Variants in EIF4H observed in about 807,000 individuals in gnomAD.
EIF4H encodes the protein Williams-Beuren syndrome chromosome region 1.
EIF4H carries 8 observed loss-of-function variants against 30.6 expected under a neutral mutation model. That is an observed-to-expected ratio of 0.26 (90% CI 0.15 to 0.47). The LOEUF (loss-of-function observed/expected upper bound fraction) is 0.47. Ranked by LOEUF, EIF4H falls within the 20% of genes least tolerant of loss-of-function variation. The probability of loss-of-function intolerance (pLI) is 0.99; values close to 1 mark genes in which losing one functional copy is unlikely to be tolerated. For synonymous variants in EIF4H, 106 were observed against 122.7 expected, an observed-to-expected ratio of 0.86 and a Z score of 0.90; for missense variants, 188 against 339.5, an observed-to-expected ratio of 0.55 and a Z score of 3.51.
At chr7:74,178,410 G>A (rs868915575) in intron 1 of EIF4H, among the ~76,000 whole-genome samples, 3 of 151,934 alleles carry the variant, frequency 2.0e-5, no homozygotes, top group Non-Finnish European at 4.4e-5. Flanking sequence ...CGGGTGTGGC[G>A]GCACATACCT....
intron 5 of EIF4H, among the ~76,000 whole-genome samples, chr7:74,191,454 TG>T (rs1439805264): frequency 2.6e-5 from 4 of 152,214 alleles, no homozygotes; most frequent in African/African-American, 9.6e-5. Context: ...AACACGGCCA[TG>T]GCCTGGCCGC....
In EIF4H at chr7:74,174,379, G is replaced by A. The variant is rs782798860; in HGVS notation, c.-5G>A. The A allele has an allele frequency of 1.4e-6, 2 of 1,456,762 alleles. No individual in the cohort carries two copies. Among genetic ancestry groups the A allele is most frequent in the South Asian group, 1.4e-5 (1 of 72,934 alleles). 90.2% of individuals were successfully genotyped at this position (1,456,762 alleles called of 1,614,324 possible). On this transcript the variant is annotated 5_prime_UTR_variant, in exon 1 of 7. Coordinates refer to ENST00000265753, the MANE Select transcript of EIF4H (RefSeq NM_022170.2). ...CCCTGGTTCCTCTCGGAGCGGAGAC[G>A]GCAAATGGCGGACTTCGACACCTAC...
rs782380321 is a variant in EIF4H, at chr7:74,190,276, G to A, written c.439G>A (p.Gly147Arg). The change falls in exon 5 of 7, where the codon GGA (glycine) becomes AGA (arginine). Residue 147 changes from glycine to arginine, a missense_variant. Around this residue, in one of 4 missense-constraint regions of EIF4H, gnomAD observed 76 missense variants for 85.8 expected, o/e 0.89. Transcript: ENST00000265753. ...GMGSSRESRG[G>R]WDSRDDFNSG... ...GGGTAGCTCTCGAGAATCTAGAGGT[G>A]GATGGGATTCCCGGGATGACTTCAA... 2.5e-6 allele frequency: 4 copies of A among 1,614,182 alleles called. No individual in the cohort carries two copies. The highest frequency in any genetic ancestry group is 1.7e-5 in the Admixed American group (1 of 60,024).
intron 2 of EIF4H, 109 bp downstream of exon 2, chr7:74,187,907 G>A (rs1236664872): frequency 1.5e-5 from 19 of 1,302,334 alleles, no homozygotes; most frequent in Non-Finnish European, 1.8e-5. Context: ...TCAAGAAAGT[G>A]TTTTAAACAT....
chr7:74,189,608 A>T, intron 2 of EIF4H, 65 bp from the exon 3 acceptor site: 2 of 1,583,338 alleles, frequency 1.3e-6, no homozygotes, highest in Non-Finnish European at 1.7e-6. Context: ...TAGTATGAAT[A>T]GGATCTTCCC....
intron 1 of EIF4H, among the ~76,000 whole-genome samples, chr7:74,178,427 C>A (rs1388873804): frequency 4.6e-5 from 7 of 151,926 alleles, no homozygotes; most frequent in African/African-American, 1.7e-4. Flanking sequence ...ACCTGTAATC[C>A]TAGCTACTTG....
At chr7:74,193,924 G>C (rs868985870) in intron 5 of EIF4H, among the ~76,000 whole-genome samples, 13 of 152,100 alleles carry the variant, frequency 8.5e-5, no homozygotes, top group African/African-American at 3.1e-4. Context: ...ACATCAGTAG[G>C]TTATACAGTT....
intron 1 of EIF4H, among the ~76,000 whole-genome samples, chr7:74,182,962 C>T (rs1222358064): frequency 2.6e-5 from 4 of 152,186 alleles, no homozygotes; most frequent in African/African-American, 9.6e-5. Context: ...GTTCTCATTG[C>T]TATCTTCCAG....
At position 74,186,136 on chromosome 7, in the gene EIF4H, C is replaced by T. The variant is rs918434699; in HGVS notation, c.60-1475C>T. 1.5e-4 allele frequency among the ~76,000 whole-genome samples: 23 copies of T among 152,112 alleles called. No homozygotes were observed. The East Asian group carries it at 2.1e-3, about 14-fold the overall frequency. On this transcript the variant is annotated intron_variant, in intron 1 of 6. Transcript: ENST00000265753. ...AAAACAAATGTTGGCCATCTTGGCA[C>T]TTCACTTCTAACGACTTTAAGTCGT... is the stretch of plus-strand genomic sequence containing the variant.
At chr7:74,176,209 A>G (rs1223267577) in intron 1 of EIF4H, among the ~76,000 whole-genome samples, 2 of 151,942 alleles carry the variant, frequency 1.3e-5, no homozygotes, top group Non-Finnish European at 2.9e-5. Context: ...CTTGTTGGTG[A>G]ATTTACATAT....
At chr7:74,195,033 G>T in intron 6 of EIF4H, 136 bp from the exon 7 acceptor site, 1 of 1,514,184 alleles carries the variant, frequency 6.6e-7, no homozygotes, top group Non-Finnish European at 8.9e-7. Context: ...GGTCATTAGA[G>T]CATCTGCTGT....
intron 2 of EIF4H, 114 bp from the exon 3 acceptor site, chr7:74,189,559 T>C: frequency 8.6e-7 from 1 of 1,167,342 alleles, no homozygotes; most frequent in Non-Finnish European, 1.2e-6. Context: ...TAGTCTGCCA[T>C]CATCTAGACA....
rs1801315500 is a variant in EIF4H at position 74,195,168 on chromosome 7, G to C, written c.608-1G>C. ...GACAAACTCTGCTTTTTCTCCCCCA[G>C]AGGAAAGAGCACAGAGACCACGACT... On this transcript the variant is annotated splice_acceptor_variant, in intron 6 of 6. Coordinates refer to ENST00000265753, the MANE Select transcript of EIF4H (RefSeq NM_022170.2). LOFTEE classifies it high-confidence loss of function. The C allele has an allele frequency of 6.2e-7, 1 of 1,613,486 alleles. No individual in the cohort carries two copies. Among genetic ancestry groups the C allele is most frequent in the African/African-American group, 1.3e-5 (1 of 74,910 alleles).
intron 1 of EIF4H, among the ~76,000 whole-genome samples, chr7:74,182,776 T>C (rs1245018843): frequency 6.6e-5 from 10 of 152,204 alleles, no homozygotes; most frequent in Non-Finnish European, 1.2e-4. Flanking sequence ...CTCTGTACAT[T>C]GGCTTCTTTT....
intron 1 of EIF4H, among the ~76,000 whole-genome samples, chr7:74,186,763 G>A: frequency 8.0e-6 from 1 of 124,894 alleles, no homozygotes. Flanking sequence ...ACATTCTTAT[G>A]CCCATAATCA....
Position 74,195,248 on chromosome 7 carries a change from C to G in EIF4H, c.687C>G (p.Asn229Lys), listed in dbSNP as rs782713241. 1 of 1,613,898 alleles carries G rather than the reference C, an allele frequency of 6.2e-7. No individual in the cohort carries two copies. The highest frequency in any genetic ancestry group is 1.3e-5 in the African/African-American group (1 of 74,936). Residue 229 changes from asparagine (N) to lysine (K), a missense_variant, in exon 7 of 7, where the codon AAC becomes AAG. Asn to Lys is a moderately conservative substitution (Grantham distance 94). Coordinates refer to ENST00000265753, the MANE Select transcript of EIF4H (RefSeq NM_022170.2). ...ATPLNQVANP[N>K]SAIFGGARPR... ...CCCTCAATCAAGTAGCCAATCCCAA[C>G]TCTGCTATCTTCGGGGGTGCCAGGC...
chr7:74,185,834 C>T (rs1038642909), intron 1 of EIF4H, among the ~76,000 whole-genome samples: 3 of 151,478 alleles, frequency 2.0e-5, no homozygotes, highest in East Asian at 1.9e-4. Context: ...ACGCATTTCC[C>T]GTTTAGAAAA....
At chr7:74,177,319 T>C (rs1465602095) in intron 1 of EIF4H, among the ~76,000 whole-genome samples, 1 of 152,206 alleles carries the variant, frequency 6.6e-6, no homozygotes, top group Non-Finnish European at 1.5e-5. Flanking sequence ...AGCATATTTT[T>C]ATCCAAAATT....
intron 1 of EIF4H, among the ~76,000 whole-genome samples, chr7:74,185,058 A>G (rs1484030743): frequency 1.3e-5 from 2 of 151,960 alleles, no homozygotes; most frequent in Non-Finnish European, 2.9e-5. Flanking sequence ...TGGTGCCATC[A>G]CAGTTCACTG....
Sources: allele counts gnomAD v4.1 joint callset (sites outside exome capture counted in the v4.1 genomes callset), GRCh38; gene constraint gnomAD v4.1.1; regional missense constraint gnomAD v4.1.1; transcripts MANE v1.5; gene names NCBI Gene and HGNC (gene_info 2026-07-23, HGNC 2026-07-21).